GRID2: variants seen among roughly 807,000 people sequenced by gnomAD.
GRID2 encodes the protein glutamate receptor ionotropic, delta-2.
GRID2 carries 33 observed loss-of-function variants against 114.8 expected under a neutral mutation model. The ratio of observed to expected loss-of-function variants is 0.29; its 90% CI spans 0.22 to 0.38. The LOEUF (loss-of-function observed/expected upper bound fraction) is 0.38. Among genes scored for constraint, GRID2 ranks in the 10% least tolerant of loss-of-function variants. The pLI is 1.00. For synonymous variants in GRID2, 505 were observed against 449.9 expected, an observed-to-expected ratio of 1.12 and a Z score of -1.55; for missense variants, 1,184 against 1,257.7, an observed-to-expected ratio of 0.94 and a Z score of 0.89.
intron 4 of GRID2, among the ~76,000 whole-genome samples, chr4:93,157,914 C>A (rs1252054675): frequency 6.6e-6 from 1 of 151,792 alleles, no homozygotes; most frequent in Non-Finnish European, 1.5e-5. Context: ...ATTTCACTTA[C>A]AAAACCCAAG....
At chr4:93,122,890 G>GTGTTTTTT (rs1733914158) in intron 4 of GRID2, among the ~76,000 whole-genome samples, 1 of 69,804 alleles carries the variant, frequency 1.4e-5, no homozygotes, top group African/African-American at 6.2e-5. Context: ...ACAGATGTGG[G>GTGTTTTTT]TTTTTTTTTT....
intron 8 of GRID2, among the ~76,000 whole-genome samples, chr4:93,260,350 G>A (rs908600470): frequency 9.3e-5 from 14 of 150,658 alleles, no homozygotes; most frequent in Non-Finnish European, 1.6e-4. Context: ...ACATCTATTA[G>A]GCACATTGCG....
At chr4:92,441,757 G>C (rs1278945052) in intron 1 of GRID2, among the ~76,000 whole-genome samples, 1 of 152,076 alleles carries the variant, frequency 6.6e-6, no homozygotes, top group Admixed American at 6.5e-5. Flanking sequence ...GAGATGGTAA[G>C]GGGTGCATGA....
At chr4:93,279,027 T>A (rs550489462) in intron 8 of GRID2, among the ~76,000 whole-genome samples, 4 of 151,988 alleles carry the variant, frequency 2.6e-5, no homozygotes, top group African/African-American at 9.6e-5. Context: ...TGAATAATAT[T>A]GGTATCATTT....
chr4:92,837,198 G>A (rs544120708), intron 2 of GRID2, among the ~76,000 whole-genome samples: 1 of 152,120 alleles, frequency 6.6e-6, no homozygotes, highest in East Asian at 1.9e-4. Context: ...CCTGATGAAC[G>A]AGGGGCCTGG....
At chr4:92,910,097 A>G (rs1452066894) in intron 2 of GRID2, among the ~76,000 whole-genome samples, 1 of 152,132 alleles carries the variant, frequency 6.6e-6, no homozygotes. Context: ...TTGGTGAGAA[A>G]TTTAAAGCCA....
At chr4:92,642,252 A>C (rs944867032) in intron 2 of GRID2, among the ~76,000 whole-genome samples, 2 of 151,736 alleles carry the variant, frequency 1.3e-5, no homozygotes, top group African/African-American at 4.8e-5. Context: ...ACTAATTTTC[A>C]TTCCCACCAA....
At chr4:92,901,419 T>G (rs1286651091) in intron 2 of GRID2, among the ~76,000 whole-genome samples, 1 of 152,172 alleles carries the variant, frequency 6.6e-6, no homozygotes, top group Non-Finnish European at 1.5e-5. Context: ...TTTAAAGATA[T>G]GTTCACCCAA....
At chr4:92,965,969 G>T (rs1047496807) in intron 2 of GRID2, among the ~76,000 whole-genome samples, 7 of 151,892 alleles carry the variant, frequency 4.6e-5, no homozygotes, top group Admixed American at 2.0e-4. Context: ...CATACCTTTT[G>T]CCAAAAACCA....
chr4:92,699,313 T>A (rs1734560572), intron 2 of GRID2, among the ~76,000 whole-genome samples: 1 of 152,170 alleles, frequency 6.6e-6, no homozygotes, highest in African/African-American at 2.4e-5. Flanking sequence ...TAATTTTAAA[T>A]ATTCCAGTAC....
At position 93,398,123 on chromosome 4, in the gene GRID2, A is replaced by ATGTGTGTG. The variant is rs151125359; in HGVS notation, c.1347+2419_1347+2426dup. ...TCCAGAAGTTGAAATACATACATGT[A>ATGTGTGTG]TGTGTGTGTGTATATATATATATAT... On this transcript the variant is annotated intron_variant, in intron 9 of 15. Coordinates refer to ENST00000282020, the MANE Select transcript of GRID2 (RefSeq NM_001510.4). Among the ~76,000 whole-genome samples, 461 of 131,334 alleles carry ATGTGTGTG rather than the reference A, an allele frequency of 3.5e-3. 24 individuals carry two copies. The highest frequency in any genetic ancestry group is 9.8e-3 in the African/African-American group (303 of 31,016). The allele number at this position is 131,334 out of a possible 152,430, so 86.2% of individuals were successfully genotyped here.
At chr4:93,220,378 T>C (rs926174714) in intron 6 of GRID2, among the ~76,000 whole-genome samples, 1 of 152,094 alleles carries the variant, frequency 6.6e-6, no homozygotes, top group Admixed American at 6.6e-5. Flanking sequence ...GTGATGACAC[T>C]GAAACATTTT....
intron 2 of GRID2, among the ~76,000 whole-genome samples, chr4:93,062,523 C>T (rs1416116781): frequency 6.6e-6 from 1 of 152,030 alleles, no homozygotes; most frequent in Admixed American, 6.6e-5. Context: ...ACTAGTTATA[C>T]TCCCTGTGAT....
chr4:93,044,359 T>C (rs2149272868), intron 2 of GRID2, among the ~76,000 whole-genome samples: 1 of 152,228 alleles, frequency 6.6e-6, no homozygotes, highest in East Asian at 1.9e-4. Context: ...TACTTTTAGT[T>C]TAAAAAGCAT....
intron 8 of GRID2, among the ~76,000 whole-genome samples, chr4:93,367,201 T>TA (rs1430837305): frequency 7.7e-6 from 1 of 130,378 alleles, no homozygotes; most frequent in Non-Finnish European, 1.7e-5. Context: ...TTTTTTTTTT[T>TA]AAGTTTTTTT....
intron 14 of GRID2, among the ~76,000 whole-genome samples, chr4:93,684,445 A>T (rs1362033127): frequency 6.6e-6 from 1 of 152,158 alleles, no homozygotes; most frequent in Non-Finnish European, 1.5e-5. Context: ...TTTTGTTACC[A>T]TTGACTACAA....
At chr4:92,883,840 T>G (rs113932237) in intron 2 of GRID2, among the ~76,000 whole-genome samples, 2 of 152,172 alleles carry the variant, frequency 1.3e-5, no homozygotes, top group Non-Finnish European at 2.9e-5. Context: ...GTTCCATTTA[T>G]AGAACACATG....
intron 2 of GRID2, among the ~76,000 whole-genome samples, chr4:93,067,475 G>A (rs939669474): frequency 4.6e-5 from 7 of 151,896 alleles, no homozygotes; most frequent in African/African-American, 1.7e-4. Flanking sequence ...CTATTATAAG[G>A]TTACTTATCC....
intron 2 of GRID2, among the ~76,000 whole-genome samples, chr4:92,597,517 G>T (rs1039120679): frequency 6.6e-6 from 1 of 152,082 alleles, no homozygotes; most frequent in Non-Finnish European, 1.5e-5. Context: ...ATATATTTTA[G>T]CAATTTGTGC....
Sources: allele counts gnomAD v4.1 joint callset (sites outside exome capture counted in the v4.1 genomes callset), GRCh38; gene constraint gnomAD v4.1.1; transcripts MANE v1.5; gene names NCBI Gene and HGNC (gene_info 2026-07-23, HGNC 2026-07-21).